The following DPP10 variants were observed in gnomAD, a reference collection of about 807,000 sequenced individuals.
DPP10 encodes dipeptidyl peptidase like 10, also known as inactive dipeptidyl peptidase 10.
In DPP10, 33 loss-of-function variants were observed where a neutral mutation model predicts 120.9. The observed-to-expected ratio is 0.27, with a 90% CI of 0.21 to 0.37. DPP10 has a LOEUF of 0.37. Among genes scored for constraint, DPP10 ranks in the 10% least tolerant of loss-of-function variants. The pLI, the probability that DPP10 is intolerant of heterozygous loss-of-function variation, is 1.00. For missense variants in DPP10, 816 were observed against 942.8 expected (o/e 0.87, Z 1.76); for synonymous variants, 337 against 326.1 (o/e 1.03, Z -0.36).
chr2:114,522,455 C>T (rs1685150325), intron 1 of DPP10, among the ~76,000 whole-genome samples: 1 of 151,996 alleles, frequency 6.6e-6, no homozygotes, highest in South Asian at 2.1e-4. Flanking sequence ...GGTTAGAGAA[C>T]TCATTGAATT....
chr2:115,804,695 A>G (rs1018168172), intron 19 of DPP10, among the ~76,000 whole-genome samples: 1 of 152,080 alleles, frequency 6.6e-6, no homozygotes, highest in Non-Finnish European at 1.5e-5. Context: ...CTGGAGGTCC[A>G]CTCCAGACCC....
chr2:115,440,723 A>T (rs572738954), intron 3 of DPP10: 17 of 152,360 alleles, frequency 1.1e-4, no homozygotes, highest in African/African-American at 3.4e-4. Context: ...GAGATAAACA[A>T]TTTAAAAGAC....
chr2:115,466,603 A>G (rs990876504), intron 3 of DPP10, among the ~76,000 whole-genome samples: 12 of 152,302 alleles, frequency 7.9e-5, no homozygotes, highest in Admixed American at 2.6e-4. Context: ...ATCTAAGATG[A>G]CAGAGTAATA....
At chr2:114,977,373 T>TC (rs1191718292) in intron 1 of DPP10, among the ~76,000 whole-genome samples, 1 of 152,196 alleles carries the variant, frequency 6.6e-6, no homozygotes, top group Non-Finnish European at 1.5e-5. Context: ...CTTCACACTT[T>TC]CACCATCTTA....
At chr2:115,060,216 C>T (rs1706291506) in intron 1 of DPP10, among the ~76,000 whole-genome samples, 2 of 148,462 alleles carry the variant, frequency 1.3e-5, no homozygotes, top group South Asian at 2.1e-4. Context: ...TATATATATA[C>T]ACTATATATA....
chr2:115,410,978 T>C (rs1008886649), intron 3 of DPP10, among the ~76,000 whole-genome samples: 1 of 152,176 alleles, frequency 6.6e-6, no homozygotes, highest in Non-Finnish European at 1.5e-5. Context: ...TTTGTAAAAC[T>C]TTTCTGTGGT....
chr2:115,259,860 CTA>C (rs1342788512), intron 1 of DPP10, among the ~76,000 whole-genome samples: 11 of 151,862 alleles, frequency 7.2e-5, no homozygotes, highest in African/African-American at 1.7e-4. Context: ...ATTTTATTAT[CTA>C]TGTGCATTTT....
At chr2:114,876,638 T>C (rs1180235329) in intron 1 of DPP10, among the ~76,000 whole-genome samples, 1 of 152,102 alleles carries the variant, frequency 6.6e-6, no homozygotes, top group Non-Finnish European at 1.5e-5. Flanking sequence ...ACTCAAGCCC[T>C]AAACCAGCTG....
chr2:115,188,980 A>G (rs1338989162), intron 1 of DPP10, among the ~76,000 whole-genome samples: 1 of 152,230 alleles, frequency 6.6e-6, no homozygotes, highest in East Asian at 1.9e-4. Context: ...AATGATTCAG[A>G]AAGGTAACTA....
intron 1 of DPP10, among the ~76,000 whole-genome samples, chr2:114,897,529 G>A (rs1311704922): frequency 1.3e-5 from 2 of 152,082 alleles, no homozygotes; most frequent in Non-Finnish European, 1.5e-5. Context: ...CTTCTCCACA[G>A]CAAAAGAAAC....
chr2:115,235,211 T>G (rs556434441), intron 1 of DPP10, among the ~76,000 whole-genome samples: 1 of 152,256 alleles, frequency 6.6e-6, no homozygotes, highest in Admixed American at 6.5e-5. Context: ...AAGAATAATA[T>G]GAGCTGGATA....
At chr2:114,836,285 G>A (rs564126002) in intron 1 of DPP10, among the ~76,000 whole-genome samples, 43 of 152,132 alleles carry the variant, frequency 2.8e-4, no homozygotes, top group Admixed American at 1.6e-3. Context: ...GCCAGATATC[G>A]GGCAAAATTC....
At chr2:115,382,034 G>T (rs1245826746) in intron 3 of DPP10, among the ~76,000 whole-genome samples, 1 of 152,192 alleles carries the variant, frequency 6.6e-6, no homozygotes, top group Non-Finnish European at 1.5e-5. Flanking sequence ...CCCAGAGGTG[G>T]AGCCTACAGA....
At chr2:114,912,743 C>T (rs1443649775) in intron 1 of DPP10, among the ~76,000 whole-genome samples, 1 of 152,208 alleles carries the variant, frequency 6.6e-6, no homozygotes, top group East Asian at 1.9e-4. Context: ...TTTGAATAGG[C>T]ATAGAGTGGC....
intron 16 of DPP10, among the ~76,000 whole-genome samples, chr2:115,781,951 C>CT (rs1412267342): frequency 6.6e-6 from 1 of 151,814 alleles, no homozygotes; most frequent in African/African-American, 2.4e-5. Context: ...TGCGTGCTTT[C>CT]TTTTTTTGGC....
At chr2:115,402,390 T>G (rs1425831062) in intron 3 of DPP10, among the ~76,000 whole-genome samples, 1 of 152,084 alleles carries the variant, frequency 6.6e-6, no homozygotes, top group Non-Finnish European at 1.5e-5. Flanking sequence ...TAGACAAACC[T>G]TTAACTAGAC....
In DPP10 at chr2:115,545,521, A is replaced by C. The variant is rs370218748; in HGVS notation, c.441+19549A>C. Among the ~76,000 whole-genome samples the C allele has an allele frequency of 8.5e-5, 13 of 152,260 alleles. No homozygotes were observed. In the East Asian group the frequency reaches 2.3e-3, roughly 27 times the overall value. The stretch of plus-strand genomic sequence containing the variant: ...AATATTTTTTTCTTTTTAAGTGGGA[A>C]GATGCCTTCAGGCATGTACAGAACA... On this transcript the variant is annotated intron_variant, in intron 5 of 25. Coordinates refer to ENST00000410059, the MANE Select transcript of DPP10 (RefSeq NM_020868.6).
intron 1 of DPP10, among the ~76,000 whole-genome samples, chr2:115,260,745 GGTTT>G (rs1161512919): frequency 2.0e-5 from 3 of 152,084 alleles, no homozygotes; most frequent in East Asian, 3.9e-4. Context: ...AAATTTTTTT[GGTTT>G]GTTCTTAAAT....
chr2:115,298,149 G>C (rs1275601485), intron 1 of DPP10, among the ~76,000 whole-genome samples: 1 of 152,014 alleles, frequency 6.6e-6, no homozygotes, highest in Admixed American at 6.6e-5. Context: ...TAGGTGTTAT[G>C]GATACAGAAA....
Sources: allele counts gnomAD v4.1 joint callset (sites outside exome capture counted in the v4.1 genomes callset), GRCh38; gene constraint gnomAD v4.1.1; transcripts MANE v1.5; gene names NCBI Gene and HGNC (gene_info 2026-07-23, HGNC 2026-07-21).